The following MPPED2 variants were observed in gnomAD, a reference collection of about 807,000 sequenced individuals.
MPPED2 encodes metallophosphoesterase domain containing 2.
MPPED2 carries 5 observed loss-of-function variants against 33.0 expected under a neutral mutation model. That is an observed-to-expected ratio of 0.15 (90% CI 0.08 to 0.32). The LOEUF is 0.32. Ranked by LOEUF, MPPED2 falls within the 10% of genes least tolerant of loss-of-function variation. The pLI is 1.00. For missense variants in MPPED2, 275 were observed against 372.1 expected, an observed-to-expected ratio of 0.74 and a Z score of 2.15; for synonymous variants, 136 against 141.9, an observed-to-expected ratio of 0.96 and a Z score of 0.29.
chr11:30,392,575 T>C (rs193116744), intron 6 of MPPED2, among the ~76,000 whole-genome samples: 142 of 152,300 alleles, frequency 9.3e-4, no homozygotes, highest in African/African-American at 3.0e-3. Flanking sequence ...TCTGAGGTCG[T>C]TGGAAAAATG....
intron 4 of MPPED2, among the ~76,000 whole-genome samples, chr11:30,479,728 A>G (rs986455407): frequency 1.3e-5 from 2 of 152,122 alleles, no homozygotes; most frequent in African/African-American, 4.8e-5. Context: ...TAAGTCAAAG[A>G]GAGAAATACC....
Position 30,410,494 on chromosome 11 carries a change from A to C in MPPED2, c.*974T>G. ...GGGTATTTAAATAGAAAGGACAACTAAGCCTTATTTTAGTTAGCTTCCATT... is the reference window on the plus strand; with the variant it reads ...GGGTATTTAAATAGAAAGGACAACTCAGCCTTATTTTAGTTAGCTTCCATT... On this transcript the variant is annotated 3_prime_UTR_variant, in exon 7 of 7. Coordinates refer to ENST00000358117, the MANE Select transcript of MPPED2 (RefSeq NM_001584.3). 2 of 985,762 alleles carry C rather than the reference A, an allele frequency of 2.0e-6. No homozygotes were observed. The highest frequency in any genetic ancestry group is 2.4e-6 in the Non-Finnish European group (2 of 829,930). 61.1% of individuals were successfully genotyped at this position (985,762 alleles called of 1,614,324 possible). A position where few individuals can be genotyped will look rare whatever the true frequency, so the allele number is the denominator to read the frequency against.
rs141442277 is a variant in MPPED2, at chr11:30,440,243, T to C, written c.537-22610A>G. On this transcript the variant is annotated intron_variant, in intron 4 of 6. Transcript: ENST00000358117. ...TACTCAGGAGGCTCGGGCAGGAGAA[T>C]TGCTTGAATCCGGGAGGCGGAGGTT... 3.1e-3 allele frequency among the ~76,000 whole-genome samples: 478 copies of C among 152,130 alleles called. 2 individuals carry two copies. The highest frequency in any genetic ancestry group is 4.1e-3 in the Non-Finnish European group (282 of 67,982).
At chr11:30,504,445 A>G (rs1001114040) in intron 3 of MPPED2, among the ~76,000 whole-genome samples, 1 of 152,188 alleles carries the variant, frequency 6.6e-6, no homozygotes, top group African/African-American at 2.4e-5. Context: ...GATAGCAGAG[A>G]AGGCCTGAGT....
intron 2 of MPPED2, among the ~76,000 whole-genome samples, chr11:30,551,574 T>C (rs555163833): frequency 2.0e-5 from 3 of 152,348 alleles, no homozygotes; most frequent in African/African-American, 7.2e-5. Context: ...GAAAACACAC[T>C]ACAAACTGAA....
chr11:30,493,510 G>A (rs1461418567), intron 4 of MPPED2, among the ~76,000 whole-genome samples: 1 of 152,000 alleles, frequency 6.6e-6, no homozygotes, highest in Non-Finnish European at 1.5e-5. Context: ...AAGGACTGGG[G>A]TACTTTTCTG....
chr11:30,451,309 A>G lies in MPPED2; in HGVS notation c.537-33676T>C, dbSNP rs72885517. ...TGCTTTTGTTACATTCGAGGATTAG[A>G]TGTCACAAAGCTTAGGCCCCTCTTG... is the stretch of plus-strand genomic sequence containing the variant. On this transcript the variant is annotated intron_variant, in intron 4 of 6. Transcript: ENST00000358117. Among the ~76,000 whole-genome samples, 634 of 152,222 alleles carry G rather than the reference A, an allele frequency of 4.2e-3. 2 individuals are homozygous for G. The highest frequency in any genetic ancestry group is 7.1e-3 in the Non-Finnish European group (485 of 68,008).
At chr11:30,564,729 G>A (rs1407213631) in intron 2 of MPPED2, among the ~76,000 whole-genome samples, 1 of 152,092 alleles carries the variant, frequency 6.6e-6, no homozygotes, top group African/African-American at 2.4e-5. Context: ...TGTTAAACTC[G>A]ACTACATGTT....
chr11:30,555,686 T>A (rs1955932523), intron 2 of MPPED2, among the ~76,000 whole-genome samples: 1 of 152,198 alleles, frequency 6.6e-6, no homozygotes, highest in African/African-American at 2.4e-5. Context: ...TCACCTTCTG[T>A]CATGATTGTG....
chr11:30,414,210 CT>C lies in MPPED2; in HGVS notation c.766+17del. ...ACAGGGGCACAAAATGTTTTGAATT[CT>C]TTTCCGCTGTTCTTACCTTCATGGA... On this transcript the variant is annotated intron_variant, in intron 6 of 6. Coordinates refer to ENST00000358117, the MANE Select transcript of MPPED2 (RefSeq NM_001584.3). 2 of 1,570,132 alleles carry C rather than the reference CT, an allele frequency of 1.3e-6. No individual in the cohort carries two copies. The highest frequency in any genetic ancestry group is 1.1e-5 in the South Asian group (1 of 90,138).
At chr11:30,387,920 C>G (rs1947722433) in exon 7 of MPPED2, 1 of 152,320 alleles carries the variant, frequency 6.6e-6, no homozygotes, top group Non-Finnish European at 1.5e-5. Flanking sequence ...TTGGCAGATG[C>G]CTGACGATGA....
intron 4 of MPPED2, among the ~76,000 whole-genome samples, chr11:30,450,159 C>A (rs1466472830): frequency 1.3e-5 from 2 of 152,198 alleles, no homozygotes; most frequent in Non-Finnish European, 2.9e-5. Context: ...TTTCCCCCTT[C>A]TTTATTCCCC....
At chr11:30,551,417 G>A (rs938374645) in intron 2 of MPPED2, among the ~76,000 whole-genome samples, 3 of 152,094 alleles carry the variant, frequency 2.0e-5, no homozygotes, top group African/African-American at 7.2e-5. Flanking sequence ...CTTACCTATA[G>A]TCCCTCCCTG....
intron 4 of MPPED2, among the ~76,000 whole-genome samples, chr11:30,455,538 C>T (rs931728372): frequency 3.3e-5 from 5 of 152,188 alleles, no homozygotes; most frequent in African/African-American, 9.7e-5. Context: ...GTTTTCCATT[C>T]ATACATTAAA....
At chr11:30,541,270 T>C (rs1955094697) in intron 2 of MPPED2, among the ~76,000 whole-genome samples, 1 of 152,188 alleles carries the variant, frequency 6.6e-6, no homozygotes, top group African/African-American at 2.4e-5. Flanking sequence ...TAGGGTTTTT[T>C]TACTCACAAA....
At chr11:30,471,714 A>C (rs1431417098) in intron 4 of MPPED2, among the ~76,000 whole-genome samples, 2 of 152,202 alleles carry the variant, frequency 1.3e-5, no homozygotes, top group South Asian at 2.1e-4. Flanking sequence ...CCCAGCACCT[A>C]GGACTGTGCC....
intron 2 of MPPED2, among the ~76,000 whole-genome samples, chr11:30,574,027 C>T (rs1269330998): frequency 6.6e-6 from 1 of 152,104 alleles, no homozygotes; most frequent in Admixed American, 6.5e-5. Context: ...AAAAAAGCTA[C>T]AGTAAGCTGT....
At chr11:30,438,107 A>G (rs886331081) in intron 4 of MPPED2, among the ~76,000 whole-genome samples, 1 of 152,214 alleles carries the variant, frequency 6.6e-6, no homozygotes, top group African/African-American at 2.4e-5. Context: ...CTGACACACC[A>G]TAAGCGCTAG....
At chr11:30,441,475 C>G (rs2133899324) in intron 4 of MPPED2, 1 of 152,272 alleles carries the variant, frequency 6.6e-6, no homozygotes, top group East Asian at 1.9e-4. Flanking sequence ...CCACAATCCC[C>G]TTCCATGAAA....
Sources: gnomAD v4.1 joint callset for allele counts (sites outside exome capture counted in the v4.1 genomes callset) on GRCh38, gnomAD v4.1.1 for gene constraint, MANE v1.5 for transcripts, NCBI Gene and HGNC (gene_info 2026-07-23, HGNC 2026-07-21) for gene names.